The following NEDD9 variants were observed in gnomAD, a reference collection of about 807,000 sequenced individuals.
NEDD9 encodes neural precursor cell expressed, developmentally down-regulated 9, also known as enhancer of filamentation 1.
Under a neutral mutation model 76.6 loss-of-function variants are expected in NEDD9, and 26 were observed. The ratio of observed to expected loss-of-function variants is 0.34; its 90% CI spans 0.25 to 0.47. The LOEUF is 0.47. Ranked by LOEUF, NEDD9 falls within the 20% of genes least tolerant of loss-of-function variation. The pLI is 1.00. For synonymous variants in NEDD9, 392 were observed against 414.2 expected, an observed-to-expected ratio of 0.95 and a Z score of 0.65; for missense variants, 937 against 1,058.5, an observed-to-expected ratio of 0.89 and a Z score of 1.59.
upstream of NEDD9, among the ~76,000 whole-genome samples, chr6:11,236,595 G>A (rs1308674121): frequency 1.3e-5 from 2 of 152,206 alleles, no homozygotes; most frequent in African/African-American, 2.4e-5. The surrounding 1 kb of genome is among the most constrained non-coding windows in gnomAD (Gnocchi z 5.5). Context: ...GCTGTCTGTC[G>A]CTCAGAGAGA....
chr6:11,243,058 G>A (rs578134842), intron 3 of NEDD9, among the ~76,000 whole-genome samples: 3 of 152,290 alleles, frequency 2.0e-5, no homozygotes, highest in Non-Finnish European at 4.4e-5. Flanking sequence ...CTGTGGATGA[G>A]CAAATATGAG....
chr6:11,288,639 G>A (rs1302603889), intron 3 of NEDD9, among the ~76,000 whole-genome samples: 1 of 152,168 alleles, frequency 6.6e-6, no homozygotes, highest in East Asian at 1.9e-4. Flanking sequence ...CCATCTAGAG[G>A]GGCTTTCAGA....
chr6:11,201,194 G>T, intron 2 of NEDD9: 1 of 848,778 alleles, frequency 1.2e-6, no homozygotes. Context: ...CCTGGGATGG[G>T]GCAGAGCAGC....
intron 2 of NEDD9, among the ~76,000 whole-genome samples, chr6:11,314,887 G>A (rs549559995): frequency 3.3e-5 from 5 of 152,136 alleles, no homozygotes; most frequent in African/African-American, 4.8e-5. Flanking sequence ...CCTCAGTTTT[G>A]TATCTTATTT....
At chr6:11,324,111 A>G (rs1164505173) in intron 2 of NEDD9, among the ~76,000 whole-genome samples, 1 of 152,214 alleles carries the variant, frequency 6.6e-6, no homozygotes, top group East Asian at 1.9e-4. Context: ...GATCAGAGCC[A>G]CGTGGCCACT....
chr6:11,209,020 T>G (rs534791041), intron 2 of NEDD9, among the ~76,000 whole-genome samples: 291 of 152,354 alleles, frequency 1.9e-3, no homozygotes, highest in Non-Finnish European at 3.5e-3. Flanking sequence ...TAGGATTGCC[T>G]GTGGGTTCTT....
chr6:11,341,754 T>A (rs1163808321), intron 1 of NEDD9, among the ~76,000 whole-genome samples: 1 of 152,120 alleles, frequency 6.6e-6, no homozygotes, highest in Non-Finnish European at 1.5e-5. Context: ...ACATTCACAA[T>A]GCCCAGTATT....
intron 1 of NEDD9, among the ~76,000 whole-genome samples, chr6:11,368,357 A>G (rs946433333): frequency 2.6e-5 from 4 of 152,248 alleles, no homozygotes; most frequent in African/African-American, 9.6e-5. Flanking sequence ...AATTGTTTAT[A>G]TTTTAAGAGT....
At chr6:11,296,868 A>G (rs1356516053) in intron 3 of NEDD9, among the ~76,000 whole-genome samples, 5 of 152,130 alleles carry the variant, frequency 3.3e-5, no homozygotes, top group African/African-American at 9.7e-5. Flanking sequence ...AGCTGGGATT[A>G]CAGGTGCACA....
intron 2 of NEDD9, among the ~76,000 whole-genome samples, chr6:11,206,603 G>A (rs1199910071): frequency 6.6e-6 from 1 of 152,104 alleles, no homozygotes; most frequent in Non-Finnish European, 1.5e-5. Flanking sequence ...AAAAAGGAGG[G>A]TTAACCTCTG....
At chr6:11,379,149 G>A (rs1439476747) in intron 1 of NEDD9, among the ~76,000 whole-genome samples, 1 of 152,222 alleles carries the variant, frequency 6.6e-6, no homozygotes, top group Non-Finnish European at 1.5e-5. Flanking sequence ...CTGGGTGGAA[G>A]GCACTGGGAG....
chr6:11,200,208 C>T (rs1262279832), intron 2 of NEDD9: 2 of 430,888 alleles, frequency 4.6e-6, no homozygotes, highest in Non-Finnish European at 9.4e-6. Context: ...AAACCACCCC[C>T]GACTTTGGGT....
rs530417410 is a variant in NEDD9 at position 11,300,111 on chromosome 6, T to G, written c.12+5881A>C. Reference sequence around the variant, plus strand: ...CCCATTGCAAGGAAGCTAAAAACCTTGAAAAAAGATTAGATGAATGGCTAA... The same window carrying G: ...CCCATTGCAAGGAAGCTAAAAACCTGGAAAAAAGATTAGATGAATGGCTAA... On this transcript the variant is annotated intron_variant, in intron 3 of 3. Coordinates refer to the NEDD9 transcript ENST00000397378. 2.0e-5 allele frequency among the ~76,000 whole-genome samples: 3 copies of G among 152,178 alleles called. No individual in the cohort carries two copies. In the East Asian group the frequency reaches 5.8e-4, roughly 29 times the overall value.
At chr6:11,201,032 A>G in intron 2 of NEDD9, 1 of 1,614,224 alleles carries the variant, frequency 6.2e-7, no homozygotes, top group South Asian at 1.1e-5. Context: ...ACACTTGCCC[A>G]TCTCTCTGGA....
intron 3 of NEDD9, among the ~76,000 whole-genome samples, chr6:11,288,364 T>C (rs1760694114): frequency 6.6e-6 from 1 of 152,206 alleles, no homozygotes; most frequent in Non-Finnish European, 1.5e-5. Context: ...TATAATTAAA[T>C]TCGTCTATAC....
At chr6:11,240,387 C>G (rs1241603689) in intron 3 of NEDD9, among the ~76,000 whole-genome samples, 1 of 152,168 alleles carries the variant, frequency 6.6e-6, no homozygotes, top group Non-Finnish European at 1.5e-5. Flanking sequence ...CTTCCTGCTT[C>G]CTTCCATCTC....
At chr6:11,314,048 A>C (rs191291433) in intron 2 of NEDD9, among the ~76,000 whole-genome samples, 1 of 152,344 alleles carries the variant, frequency 6.6e-6, no homozygotes, top group Admixed American at 6.5e-5. Context: ...TATAGGACTT[A>C]CTAACACAAT....
chr6:11,347,397 A>C (rs191267559), intron 1 of NEDD9, among the ~76,000 whole-genome samples: 2 of 152,286 alleles, frequency 1.3e-5, no homozygotes, highest in East Asian at 3.9e-4. Context: ...ATTGAGGAGG[A>C]GGGACTCCTT....
chr6:11,296,679 C>CCCTCCCTTCCTTCCTT (rs1760900724), intron 3 of NEDD9, among the ~76,000 whole-genome samples: 1 of 92,856 alleles, frequency 1.1e-5, no homozygotes, highest in Non-Finnish European at 2.0e-5. Context: ...CCTTTCCTTT[C>CCCTCCCTTCCTTCCTT]CCTTCCTTCC....
Sources: allele counts gnomAD v4.1 joint callset (sites outside exome capture counted in the v4.1 genomes callset), GRCh38; gene constraint gnomAD v4.1.1; non-coding constraint Gnocchi (gnomAD v3.1); transcripts MANE v1.5; gene names NCBI Gene and HGNC (gene_info 2026-07-23, HGNC 2026-07-21).